Variants in ENOX1 observed in about 807,000 individuals in gnomAD.
ENOX1 encodes ecto-NOX disulfide-thiol exchanger 1, also known as candidate growth-related and time keeping constitutive hydroquinone (NADH) oxidase.
In ENOX1, 42 loss-of-function variants were observed where a neutral mutation model predicts 82.5. The observed-to-expected ratio is 0.51, with a 90% confidence interval of 0.40 to 0.66. The LOEUF (loss-of-function observed/expected upper bound fraction) is 0.66, where lower values mean the gene tolerates loss of function less well. Among genes scored for constraint, ENOX1 ranks in the 30% least tolerant of loss-of-function variants. The pLI is 0.00. For synonymous variants in ENOX1, 271 were observed against 282.2 expected (o/e 0.96, Z 0.40); for missense variants, 608 against 811.6 (o/e 0.75, Z 3.05).
chr13:43,749,024 G>A (rs1374691849), intron 1 of ENOX1, among the ~76,000 whole-genome samples: 1 of 152,126 alleles, frequency 6.6e-6, no homozygotes, highest in African/African-American at 2.4e-5. Context: ...ATGCCATAGG[G>A]TTGTTATGAA....
At chr13:43,320,444 G>A (rs1022897706) in intron 11 of ENOX1, among the ~76,000 whole-genome samples, 1 of 152,036 alleles carries the variant, frequency 6.6e-6, no homozygotes, top group Non-Finnish European at 1.5e-5. Context: ...AGATGCCTGG[G>A]GAATAAACCG....
chr13:43,569,776 G>T (rs1164831147), intron 2 of ENOX1, among the ~76,000 whole-genome samples: 1 of 151,944 alleles, frequency 6.6e-6, no homozygotes, highest in Admixed American at 6.6e-5. Context: ...ACTACACCAC[G>T]ATGTTTCTAA....
chr13:43,472,364 T>C (rs536297230), intron 3 of ENOX1, among the ~76,000 whole-genome samples: 17 of 152,216 alleles, frequency 1.1e-4, no homozygotes, highest in South Asian at 6.2e-4. Flanking sequence ...AGATTCACCG[T>C]GATTTTTTTC....
At chr13:43,288,774 T>C (rs1042044451) in intron 12 of ENOX1, among the ~76,000 whole-genome samples, 2 of 152,222 alleles carry the variant, frequency 1.3e-5, no homozygotes, top group African/African-American at 4.8e-5. Flanking sequence ...TCCTGATACA[T>C]TGCAACTTAA....
At chr13:43,668,730 C>A (rs1392623125) in intron 1 of ENOX1, among the ~76,000 whole-genome samples, 1 of 152,084 alleles carries the variant, frequency 6.6e-6, no homozygotes, top group African/African-American at 2.4e-5. Flanking sequence ...AAGCCAGGGG[C>A]AGGGGAAGGT....
intron 1 of ENOX1, among the ~76,000 whole-genome samples, chr13:43,767,402 T>C (rs1951341656): frequency 1.3e-5 from 2 of 152,216 alleles, no homozygotes; most frequent in East Asian, 1.9e-4. Flanking sequence ...CCCTGAAGTA[T>C]GCAGGGAGCC....
chr13:43,582,056 C>A (rs186686850), intron 2 of ENOX1, among the ~76,000 whole-genome samples: 183 of 151,984 alleles, frequency 1.2e-3, no homozygotes, highest in Middle Eastern at 6.8e-3. Flanking sequence ...TATTATGCCA[C>A]AAATAAAACA....
chr13:43,513,163 G>C (rs2077434025), intron 2 of ENOX1, among the ~76,000 whole-genome samples: 1 of 152,038 alleles, frequency 6.6e-6, no homozygotes, highest in Non-Finnish European at 1.5e-5. Context: ...ACAAAAATTA[G>C]CTGGGTGTGC....
In ENOX1 at chr13:43,417,242, C is replaced by CGGGAGACGGGAGAGGGAGAGGGAGA. The variant is rs1400166015; in HGVS notation, c.-74-4255_-74-4254insTCTCCCTCTCCCTCTCCCGTCTCCC. 6.2e-3 allele frequency among the ~76,000 whole-genome samples: 511 copies of CGGGAGACGGGAGAGGGAGAGGGAGA among 82,698 alleles called. 3 individuals carry two copies. Among genetic ancestry groups the CGGGAGACGGGAGAGGGAGAGGGAGA allele is most frequent in the Non-Finnish European group, 8.6e-3 (352 of 40,804 alleles). The allele number at this position is 82,698 out of a possible 152,430, so 54.3% of individuals were successfully genotyped here. On this transcript the variant is annotated intron_variant, in intron 3 of 16. Transcript: ENST00000690772. The stretch of plus-strand genomic sequence containing the variant: ...GAGACGGGAGACGGGAGACGGGAGA[C>CGGGAGACGGGAGAGGGAGAGGGAGA]GGGAGAGGGAGAGGGAGAGGGAGAG...
rs79272921 is a variant in ENOX1, at chr13:43,677,393, C to T, written c.-284-9849G>A. The stretch of plus-strand genomic sequence containing the variant: ...GATTCAAGATGAGGGCTTTTGGTGC[C>T]ACTATGAGACATCGTACAGGTGGCT... On this transcript the variant is annotated intron_variant, in intron 1 of 16. Transcript: ENST00000690772. 5.1e-3 allele frequency among the ~76,000 whole-genome samples: 776 copies of T among 152,266 alleles called. 3 individuals carry two copies. Among genetic ancestry groups the T allele is most frequent in the Non-Finnish European group, 8.0e-3 (546 of 68,022 alleles).
At chr13:43,601,296 G>C (rs770135144) in intron 2 of ENOX1, among the ~76,000 whole-genome samples, 1 of 152,102 alleles carries the variant, frequency 6.6e-6, no homozygotes, top group African/African-American at 2.4e-5. Flanking sequence ...ATAGCACAGA[G>C]AAGGAATTTA....
intron 1 of ENOX1, among the ~76,000 whole-genome samples, chr13:43,730,341 T>C (rs1048271113): frequency 2.0e-5 from 3 of 152,168 alleles, no homozygotes; most frequent in African/African-American, 7.2e-5. Context: ...ATTCTCCACT[T>C]CTATTCTCAA....
intron 2 of ENOX1, among the ~76,000 whole-genome samples, chr13:43,569,313 A>C (rs757625612): frequency 6.6e-6 from 1 of 152,196 alleles, no homozygotes; most frequent in Admixed American, 6.5e-5. Context: ...GGGCAGACAG[A>C]TAGATAGATA....
intron 1 of ENOX1, among the ~76,000 whole-genome samples, chr13:43,691,689 G>A (rs973272390): frequency 1.3e-5 from 2 of 148,768 alleles, no homozygotes; most frequent in African/African-American, 4.9e-5. Flanking sequence ...TCTCCTGGAA[G>A]CCCACAGACT....
At chr13:43,514,088 A>G (rs1593576400) in intron 2 of ENOX1, among the ~76,000 whole-genome samples, 1 of 152,180 alleles carries the variant, frequency 6.6e-6, no homozygotes, top group East Asian at 1.9e-4. Context: ...AAGTAGAACA[A>G]TAATATCTAT....
intron 1 of ENOX1, among the ~76,000 whole-genome samples, chr13:43,709,652 G>C (rs2087556341): frequency 6.6e-6 from 1 of 151,740 alleles, no homozygotes; most frequent in African/African-American, 2.4e-5. Context: ...CTAGTTCTTG[G>C]GAAAGATTCC....
intron 12 of ENOX1, 27 bp downstream of exon 12, chr13:43,298,315 CAAAA>C: frequency 4.2e-6 from 6 of 1,411,802 alleles, no homozygotes; most frequent in Non-Finnish European, 5.6e-6. Flanking sequence ...CTCTTTCTCT[CAAAA>C]AAAAAAAAAA....
chr13:43,418,270 G>C (rs2054752898), intron 3 of ENOX1, among the ~76,000 whole-genome samples: 1 of 152,184 alleles, frequency 6.6e-6, no homozygotes, highest in African/African-American at 2.4e-5. Context: ...GCTCAAGCCT[G>C]TAATCCCAGC....
At chr13:43,312,537 C>T (rs1325829197) in intron 11 of ENOX1, among the ~76,000 whole-genome samples, 8 of 152,148 alleles carry the variant, frequency 5.3e-5, no homozygotes, top group African/African-American at 1.4e-4. Flanking sequence ...TCATTTTTCT[C>T]TTTATCTTTT....
Sources: gnomAD v4.1 joint callset for allele counts (sites outside exome capture counted in the v4.1 genomes callset) on GRCh38, gnomAD v4.1.1 for gene constraint, MANE v1.5 for transcripts, NCBI Gene and HGNC (gene_info 2026-07-23, HGNC 2026-07-21) for gene names.